GOPC: variants seen among roughly 807,000 people sequenced by gnomAD.
GOPC encodes the protein Golgi-associated PDZ and coiled-coil motif-containing protein.
A neutral mutation model predicts 51.2 loss-of-function variants in GOPC; 32 were observed. That is an observed-to-expected ratio of 0.63 (90% CI 0.47 to 0.84). The LOEUF (loss-of-function observed/expected upper bound fraction) is 0.84, where lower values mean the gene tolerates loss of function less well. GOPC is among the 40% of genes least tolerant of loss of function. GOPC has a pLI of 0.00. For synonymous variants in GOPC, 190 were observed against 205.1 expected (o/e 0.93, Z 0.63); for missense variants, 441 against 555.5 (o/e 0.79, Z 2.07).
intron 5 of GOPC, among the ~76,000 whole-genome samples, chr6:117,572,264 A>G (rs1272552856): frequency 6.6e-6 from 1 of 151,862 alleles, no homozygotes; most frequent in Non-Finnish European, 1.5e-5. Context: ...AAAAGCCCAG[A>G]CTCTTCTTTT....
In GOPC at chr6:117,602,001, C is replaced by T; in HGVS notation, c.285+3G>A. ...GCCATAGCCGCCAGCACCCACGGCT[C>T]ACCTCCAGCTTGTGGTTGATTTGAG... On this transcript the variant is annotated splice_donor_region_variant and intron_variant, in intron 1 of 8. Transcript: ENST00000368498. The T allele has an allele frequency of 6.2e-7, 1 of 1,613,424 alleles. No homozygotes were observed. Among genetic ancestry groups the T allele is most frequent in the South Asian group, 1.1e-5 (1 of 91,052 alleles).
chr6:117,569,776 T>C, intron 6 of GOPC, 40 bp from the exon 7 acceptor site: 1 of 1,530,476 alleles, frequency 6.5e-7, no homozygotes, highest in Non-Finnish European at 8.7e-7. Flanking sequence ...GTACTCTTTG[T>C]AAGGTACAGT....
chr6:117,568,514 T>A (rs987331389), intron 7 of GOPC, among the ~76,000 whole-genome samples: 7 of 152,238 alleles, frequency 4.6e-5, no homozygotes, highest in African/African-American at 1.4e-4. Flanking sequence ...ACTCTTTTGC[T>A]ACTGGATGAC....
At chr6:117,587,238 A>C (rs1235724217) in intron 1 of GOPC, among the ~76,000 whole-genome samples, 1 of 152,160 alleles carries the variant, frequency 6.6e-6, no homozygotes, top group South Asian at 2.1e-4. Context: ...GTTCTCCCCC[A>C]AAAAATAACA....
chr6:117,562,396 T>C lies in GOPC; in HGVS notation c.*858A>G, dbSNP rs899865401. The C allele has an allele frequency of 3.0e-5, 6 of 199,426 alleles. No homozygotes were observed. The highest frequency in any genetic ancestry group is 6.2e-5 in the Non-Finnish European group (6 of 96,636). 12.4% of individuals were successfully genotyped at this position (199,426 alleles called of 1,614,324 possible). ...AATTTGTCTTTAAGTGCCAGGACTA[T>C]CACAAGACAAACTTTATGAACAACT... On this transcript the variant is annotated 3_prime_UTR_variant, in exon 9 of 9. Coordinates refer to ENST00000368498, the MANE Select transcript of GOPC (RefSeq NM_020399.4).
chr6:117,570,625 T>C (rs1167831835), intron 6 of GOPC, among the ~76,000 whole-genome samples: 2 of 152,010 alleles, frequency 1.3e-5, no homozygotes, highest in Non-Finnish European at 2.9e-5. Context: ...AACTATTAAG[T>C]GAATCATAAT....
chr6:117,591,257 G>T (rs9689787), intron 1 of GOPC, among the ~76,000 whole-genome samples: 1 of 151,944 alleles, frequency 6.6e-6, no homozygotes, highest in South Asian at 2.1e-4. Flanking sequence ...TGGTTTGGGA[G>T]CATGGAAGCA....
chr6:117,593,006 C>G (rs1780140414), intron 1 of GOPC, among the ~76,000 whole-genome samples: 1 of 152,196 alleles, frequency 6.6e-6, no homozygotes. Context: ...AGTTATTACT[C>G]TCATTACTGT....
At chr6:117,567,158 A>G in intron 7 of GOPC, 124 bp from the exon 8 acceptor site, 3 of 600,854 alleles carry the variant, frequency 5.0e-6, no homozygotes, top group South Asian at 6.3e-5. Flanking sequence ...TTTCCAGAAA[A>G]TAAATAATAA....
chr6:117,590,971 G>A (rs933525232), intron 1 of GOPC, among the ~76,000 whole-genome samples: 3 of 152,186 alleles, frequency 2.0e-5, no homozygotes, highest in African/African-American at 7.2e-5. Flanking sequence ...TCCTGCCTCA[G>A]CCTCCCGAGT....
At chr6:117,572,429 A>T (rs1206219662) in intron 5 of GOPC, among the ~76,000 whole-genome samples, 2 of 152,084 alleles carry the variant, frequency 1.3e-5, no homozygotes, top group East Asian at 3.9e-4. Flanking sequence ...CTTGACTCCA[A>T]CTTGGTCCTC....
In GOPC at chr6:117,602,257, G is replaced by A. The variant is rs1266737781; in HGVS notation, c.32C>T (p.Ala11Val). The A allele has an allele frequency of 2.5e-6, 4 of 1,597,252 alleles. No homozygotes were observed. The highest frequency in any genetic ancestry group is 2.7e-5 in the African/African-American group (2 of 74,794). Residue 11 changes from alanine to valine, a missense_variant, in exon 1 of 9, where the codon GCC becomes GTC. By Grantham distance (64) the Ala-to-Val change is moderately conservative. This residue lies in a region of GOPC where 204 missense variants were observed against 219.8 expected (regional missense o/e 0.93). Coordinates refer to ENST00000368498, the MANE Select transcript of GOPC (RefSeq NM_020399.4). ...GGAGGCGCCCCCTGGGCCCCCTCCG[G>A]CTGCTGCTGGGCATGGACCGCCCGC... is the stretch of plus-strand genomic sequence containing the variant. MSAGGPCPAAAGGGPGGASCS... is the reference protein window; with the variant it reads MSAGGPCPAAVGGGPGGASCS...
At chr6:117,597,059 CT>C (rs1453608206) in intron 1 of GOPC, among the ~76,000 whole-genome samples, 1 of 152,154 alleles carries the variant, frequency 6.6e-6, no homozygotes, top group Non-Finnish European at 1.5e-5. Context: ...CCTATGATTT[CT>C]TTCAGCAGTG....
intron 1 of GOPC, among the ~76,000 whole-genome samples, chr6:117,583,730 T>C (rs1022551255): frequency 1.3e-5 from 2 of 152,174 alleles, no homozygotes; most frequent in Non-Finnish European, 2.9e-5. Flanking sequence ...CCTAATTTCC[T>C]CTTTTGACTG....
At position 117,578,973 on chromosome 6, in the gene GOPC, A is replaced by T; in HGVS notation, c.377T>A (p.Leu126Gln). ...ATGAAGCTGCAGCTGAATAGAGTGC[A>T]GCTGTAAAAGCTGATCATGTACTTC... ...EKEVHDQLLQ[L>Q]HSIQLQLHAK... The change falls in exon 2 of 9, where the codon CTG becomes CAG. Residue 126 changes from leucine (L) to glutamine (Q), a missense_variant. Coordinates refer to ENST00000368498, the MANE Select transcript of GOPC (RefSeq NM_020399.4). The T allele has an allele frequency of 6.2e-7, 1 of 1,612,660 alleles. No homozygotes were observed. Among genetic ancestry groups the T allele is most frequent in the Non-Finnish European group, 8.5e-7 (1 of 1,179,334 alleles).
At chr6:117,570,106 T>C (rs1779777357) in intron 6 of GOPC, among the ~76,000 whole-genome samples, 1 of 152,066 alleles carries the variant, frequency 6.6e-6, no homozygotes, top group Admixed American at 6.6e-5. Context: ...ATATGCAATG[T>C]AGAATTGAAA....
At chr6:117,564,351 GAATTAT>G (rs1392247593) in intron 8 of GOPC, among the ~76,000 whole-genome samples, 1 of 152,022 alleles carries the variant, frequency 6.6e-6, no homozygotes, top group African/African-American at 2.4e-5. Context: ...ACTGAACTGT[GAATTAT>G]ATTTTTATTT....
intron 1 of GOPC, among the ~76,000 whole-genome samples, chr6:117,590,374 C>T (rs1372134536): frequency 6.6e-6 from 1 of 151,952 alleles, no homozygotes; most frequent in Non-Finnish European, 1.5e-5. Context: ...AGATCGAGAC[C>T]AGCCTGGGCA....
chr6:117,571,353 T>C (rs886849250), intron 5 of GOPC, among the ~76,000 whole-genome samples: 2 of 152,158 alleles, frequency 1.3e-5, no homozygotes, highest in African/African-American at 4.8e-5. Flanking sequence ...AAATTTCCAA[T>C]TGGACCATTA....
Sources: gnomAD v4.1 joint callset for allele counts (sites outside exome capture counted in the v4.1 genomes callset) on GRCh38, gnomAD v4.1.1 for gene constraint, gnomAD v4.1.1 regional missense constraint, MANE v1.5 for transcripts, NCBI Gene and HGNC (gene_info 2026-07-23, HGNC 2026-07-21) for gene names.